Variants in KCNT2 observed in about 807,000 individuals in gnomAD.
KCNT2 encodes potassium channel subfamily T member 2.
KCNT2 carries 67 observed loss-of-function variants against 153.8 expected under a neutral mutation model. That is an observed-to-expected ratio of 0.44 (90% CI 0.36 to 0.53). The LOEUF is 0.53. Among genes scored for constraint, KCNT2 ranks in the 20% least tolerant of loss-of-function variants. The pLI is 0.00. For missense variants in KCNT2, 975 were observed against 1,354.8 expected (o/e 0.72, Z 4.40); for synonymous variants, 500 against 458.8 (o/e 1.09, Z -1.15).
Position 196,571,945 on chromosome 1 carries a change from T to A in KCNT2, c.95+36270A>T, listed in dbSNP as rs926979177. 2.6e-5 allele frequency among the ~76,000 whole-genome samples: 4 copies of A among 152,214 alleles called. No homozygotes were observed. The South Asian group carries it at 8.3e-4, about 32-fold the overall frequency. On this transcript the variant is annotated intron_variant, in intron 1 of 27. Coordinates refer to ENST00000294725, the MANE Select transcript of KCNT2 (RefSeq NM_198503.5). ...GACCTTGATTGTGCAGGTGTTAAAA[T>A]CTGCTTAAAGGAGGTTTTAAAAGTA...
intron 12 of KCNT2, among the ~76,000 whole-genome samples, chr1:196,399,697 C>T (rs1671249310): frequency 6.6e-6 from 1 of 151,726 alleles, no homozygotes; most frequent in Non-Finnish European, 1.5e-5. Flanking sequence ...TCATGTCCTC[C>T]CCAAATTTAC....
chr1:196,450,663 C>T (rs1413898176), intron 8 of KCNT2, among the ~76,000 whole-genome samples: 1 of 151,792 alleles, frequency 6.6e-6, no homozygotes, highest in East Asian at 1.9e-4. Flanking sequence ...CTGCCTACTT[C>T]CTTGCTACCA....
intron 1 of KCNT2, among the ~76,000 whole-genome samples, chr1:196,526,905 T>G (rs111279289): frequency 8.4e-4 from 128 of 152,246 alleles, no homozygotes; most frequent in African/African-American, 3.0e-3. Context: ...CTCAGACTAG[T>G]ACCAGTCTGT....
At chr1:196,460,490 T>C (rs1677054141) in intron 8 of KCNT2, among the ~76,000 whole-genome samples, 2 of 151,804 alleles carry the variant, frequency 1.3e-5, no homozygotes, top group Admixed American at 1.3e-4. Context: ...TCTAGTATTA[T>C]CCAACTACCA....
intron 25 of KCNT2, among the ~76,000 whole-genome samples, chr1:196,261,458 A>T (rs1398300618): frequency 6.6e-6 from 1 of 151,958 alleles, no homozygotes; most frequent in Non-Finnish European, 1.5e-5. Context: ...GTCTTAGAAA[A>T]CACCCAATAA....
intron 26 of KCNT2, among the ~76,000 whole-genome samples, chr1:196,254,467 A>G (rs1656283617): frequency 6.6e-6 from 1 of 151,576 alleles, no homozygotes; most frequent in Non-Finnish European, 1.5e-5. Flanking sequence ...ATTCCTTCCA[A>G]TTATTAAAAG....
chr1:196,429,800 G>A (rs1244342072), intron 8 of KCNT2, 43 bp from the exon 9 acceptor site: 2 of 1,355,302 alleles, frequency 1.5e-6, no homozygotes, highest in Non-Finnish European at 1.0e-6. Flanking sequence ...TTTCAAACTG[G>A]ACACATAATT....
intron 1 of KCNT2, among the ~76,000 whole-genome samples, chr1:196,578,128 T>A (rs1661586327): frequency 6.6e-6 from 1 of 152,072 alleles, no homozygotes; most frequent in African/African-American, 2.4e-5. Context: ...GTGCTATTGA[T>A]ATTTTTTAAG....
chr1:196,500,155 G>A (rs1026940619), intron 1 of KCNT2, among the ~76,000 whole-genome samples: 3 of 148,420 alleles, frequency 2.0e-5, no homozygotes, highest in African/African-American at 7.5e-5. Context: ...AAAAAGGGAG[G>A]AAAGAAGGAA....
chr1:196,373,383 G>A lies in KCNT2; in HGVS notation c.1295-135C>T. On this transcript the variant is annotated intron_variant, in intron 13 of 27. Coordinates refer to ENST00000294725, the MANE Select transcript of KCNT2 (RefSeq NM_198503.5). ...TTGTTTTAGAGATGTTTTTACAAGT[G>A]CAATTTTATCCCCAGGAAATATATC... is the stretch of plus-strand genomic sequence containing the variant. 1.0e-5 allele frequency: 6 copies of A among 578,732 alleles called. No homozygotes were observed. The South Asian group carries it at 1.3e-4, about 13-fold the overall frequency. The allele number at this position is 578,732 out of a possible 1,614,324, so 35.8% of individuals were successfully genotyped here.
At chr1:196,549,744 A>ATGTTTG (rs771406796) in intron 1 of KCNT2, among the ~76,000 whole-genome samples, 29 of 151,914 alleles carry the variant, frequency 1.9e-4, no homozygotes, top group Admixed American at 7.2e-4. Flanking sequence ...TTATTCAGAT[A>ATGTTTG]TGTTTGAGTA....
chr1:196,484,887 G>A (rs1351494713), intron 3 of KCNT2, among the ~76,000 whole-genome samples: 3 of 151,986 alleles, frequency 2.0e-5, no homozygotes, highest in African/African-American at 7.2e-5. Flanking sequence ...AAAACAGTAC[G>A]GCGATTCCTC....
chr1:196,349,969 G>C (rs887785735), intron 14 of KCNT2, among the ~76,000 whole-genome samples: 4 of 150,926 alleles, frequency 2.7e-5, no homozygotes, highest in African/African-American at 9.8e-5. Flanking sequence ...TTGGTTTTTT[G>C]TCCTTGCGAT....
At chr1:196,410,033 C>A (rs567447649) in intron 12 of KCNT2, among the ~76,000 whole-genome samples, 1 of 151,624 alleles carries the variant, frequency 6.6e-6, no homozygotes, top group African/African-American at 2.4e-5. Flanking sequence ...TTGCATTTCC[C>A]TGATAATTAA....
chr1:196,360,683 C>T (rs144452592), intron 14 of KCNT2, among the ~76,000 whole-genome samples: 170 of 152,156 alleles, frequency 1.1e-3, no homozygotes, highest in East Asian at 6.8e-3. Context: ...GTGGGCGCAA[C>T]AGAGGAAACC....
At position 196,384,446 on chromosome 1, in the gene KCNT2, C is replaced by T. The variant is rs544573021; in HGVS notation, c.1295-11198G>A. On this transcript the variant is annotated intron_variant, in intron 13 of 27. Transcript: ENST00000294725. ...TAATCTCACGCCTGTAATCTTAGCACTTTTGGAGGCCAAGGTGGGCGGATC... is the reference window on the plus strand; with the variant it reads ...TAATCTCACGCCTGTAATCTTAGCATTTTTGGAGGCCAAGGTGGGCGGATC... Among the ~76,000 whole-genome samples the T allele has an allele frequency of 4.9e-4, 75 of 152,218 alleles. 2 individuals are homozygous for T. The South Asian group carries it at 0.015, about 31-fold the overall frequency.
intron 13 of KCNT2, among the ~76,000 whole-genome samples, chr1:196,376,970 G>A (rs187411326): frequency 6.6e-6 from 1 of 151,858 alleles, no homozygotes; most frequent in African/African-American, 2.4e-5. Flanking sequence ...GTGAAGATTT[G>A]GTAGGGACAA....
chr1:196,389,970 CT>C (rs929197448), intron 13 of KCNT2, among the ~76,000 whole-genome samples: 3 of 151,474 alleles, frequency 2.0e-5, no homozygotes, highest in African/African-American at 7.3e-5. Flanking sequence ...GCTTATGATT[CT>C]TTGGTTGTTT....
rs542577768 is a variant in KCNT2 at position 196,437,496 on chromosome 1, A to C, written c.639-7739T>G. On this transcript the variant is annotated intron_variant, in intron 8 of 27. Transcript: ENST00000294725. ...ATTATCCTATATCCCCCGCCTAAACATTTTAAATTAAAAATTTTTTTGCTA... is the reference window on the plus strand; with the variant it reads ...ATTATCCTATATCCCCCGCCTAAACCTTTTAAATTAAAAATTTTTTTGCTA... 1.9e-3 allele frequency among the ~76,000 whole-genome samples: 274 copies of C among 148,034 alleles called. 1 individual carries two copies. The highest frequency in any genetic ancestry group is 3.5e-3 in the Non-Finnish European group (234 of 66,872).
Sources: gnomAD v4.1 joint callset for allele counts (sites outside exome capture counted in the v4.1 genomes callset) on GRCh38, gnomAD v4.1.1 for gene constraint, MANE v1.5 for transcripts, NCBI Gene and HGNC (gene_info 2026-07-23, HGNC 2026-07-21) for gene names.